Variants in AFDN observed in about 807,000 individuals in gnomAD.
The protein encoded by AFDN is afadin, adherens junction formation factor, also known as afadin.
AFDN carries 68 observed loss-of-function variants against 216.6 expected under a neutral mutation model. The observed-to-expected ratio is 0.31, with a 90% CI of 0.26 to 0.38. The LOEUF (loss-of-function observed/expected upper bound fraction) is 0.38. Among genes scored for constraint, AFDN ranks in the 10% least tolerant of loss-of-function variants. The pLI, the probability that AFDN is intolerant of heterozygous loss-of-function variation, is 1.00. For missense variants in AFDN, 2,136 were observed against 2,342.0 expected, an observed-to-expected ratio of 0.91 and a Z score of 1.82; for synonymous variants, 868 against 853.7, an observed-to-expected ratio of 1.02 and a Z score of -0.29.
At chr6:167,956,479 TC>T (rs888749906) in intron 30 of AFDN, among the ~76,000 whole-genome samples, 2 of 152,152 alleles carry the variant, frequency 1.3e-5, no homozygotes, top group Non-Finnish European at 2.9e-5. Flanking sequence ...TGTGCTCACT[TC>T]CGACCTGAGA....
At chr6:167,931,381 A>ATAG (rs1380594543) in intron 23 of AFDN, among the ~76,000 whole-genome samples, 5 of 152,160 alleles carry the variant, frequency 3.3e-5, no homozygotes, top group African/African-American at 1.2e-4. Flanking sequence ...GAGTGAATAG[A>ATAG]TTATCTAGTA....
At chr6:167,863,654 T>C (rs1783834328) in intron 1 of AFDN, 1 of 391,208 alleles carries the variant, frequency 2.6e-6, no homozygotes, top group Non-Finnish European at 5.2e-6. Context: ...TTCTCTGGAA[T>C]TTTTGTTGGG....
chr6:167,873,874 AC>A (rs1785051362), intron 4 of AFDN, among the ~76,000 whole-genome samples: 1 of 152,172 alleles, frequency 6.6e-6, no homozygotes, highest in Non-Finnish European at 1.5e-5. Flanking sequence ...GAGGATATTA[AC>A]CATTTGTCAG....
intron 12 of AFDN, 144 bp downstream of exon 12, chr6:167,902,530 A>G: frequency 3.3e-6 from 2 of 613,160 alleles, no homozygotes; most frequent in South Asian, 2.0e-5. Context: ...CATAAATAGT[A>G]CAGAGCCCTA....
intron 10 of AFDN, 86 bp from the exon 11 acceptor site, chr6:167,898,119 A>G: frequency 7.0e-7 from 1 of 1,427,168 alleles, no homozygotes. Context: ...ATTTGTCATA[A>G]AAGGGGTACT....
At chr6:167,964,292 A>G in intron 31 of AFDN, 1 of 1,064,112 alleles carries the variant, frequency 9.4e-7, no homozygotes, top group Non-Finnish European at 1.1e-6. Context: ...TTGTCTTGTA[A>G]TTGTATCTGC....
intron 5 of AFDN, among the ~76,000 whole-genome samples, chr6:167,878,334 T>C (rs1421147791): frequency 6.6e-6 from 1 of 152,114 alleles, no homozygotes; most frequent in Non-Finnish European, 1.5e-5. Flanking sequence ...CTATTGTACA[T>C]CTTTTTTTTT....
At chr6:167,966,111 C>T (rs921040576) in intron 32 of AFDN, 66 bp downstream of exon 32, 18 of 1,536,180 alleles carry the variant, frequency 1.2e-5, no homozygotes, top group Middle Eastern at 1.7e-4. Flanking sequence ...TCTTAAACCA[C>T]GGCCACCCCC....
intron 6 of AFDN, among the ~76,000 whole-genome samples, chr6:167,884,971 C>T (rs565825673): frequency 9.4e-4 from 143 of 152,204 alleles, no homozygotes; most frequent in Non-Finnish European, 1.4e-3. Context: ...GCTAGATCTT[C>T]TGGAGAACTT....
intron 6 of AFDN, among the ~76,000 whole-genome samples, chr6:167,880,816 C>T (rs1160153475): frequency 6.6e-6 from 1 of 152,164 alleles, no homozygotes; most frequent in Non-Finnish European, 1.5e-5. Flanking sequence ...TTTTCTGTTC[C>T]ATTGATACAT....
At chr6:167,860,128 T>A (rs1421872833) in intron 1 of AFDN, among the ~76,000 whole-genome samples, 2 of 150,604 alleles carry the variant, frequency 1.3e-5, no homozygotes. Context: ...AAGTAAGCTC[T>A]TCATTTAGGT....
intron 30 of AFDN, among the ~76,000 whole-genome samples, chr6:167,962,000 C>T (rs1011172403): frequency 6.6e-6 from 1 of 152,130 alleles, no homozygotes; most frequent in Non-Finnish European, 1.5e-5. Flanking sequence ...CCCTCTTCTA[C>T]AAGATATTCG....
chr6:167,954,445 C>G (rs751539666), intron 30 of AFDN: 2 of 1,543,108 alleles, frequency 1.3e-6, no homozygotes, highest in Non-Finnish European at 1.7e-6. Flanking sequence ...TTTTCTTTCT[C>G]TGTTACCTGC....
chr6:167,901,607 A>G (rs1788961367), intron 11 of AFDN, among the ~76,000 whole-genome samples: 1 of 152,164 alleles, frequency 6.6e-6, no homozygotes, highest in South Asian at 2.1e-4. Context: ...TACAAAAATA[A>G]TCAGATTGAC....
In AFDN at chr6:167,918,945, T is replaced by C; in HGVS notation, c.2908+12T>C. ...TCTGTGCCAGAGAGGTAAATTAGTC[T>C]AAATGCCTGAGTCTGAGCTACGCCC... On this transcript the variant is annotated intron_variant, in intron 21 of 33. Coordinates refer to ENST00000683244, the MANE Select transcript of AFDN (RefSeq NM_001386888.1). 1.2e-6 allele frequency: 2 copies of C among 1,608,282 alleles called. No individual in the cohort carries two copies.
intron 1 of AFDN, among the ~76,000 whole-genome samples, chr6:167,849,337 A>G (rs956361063): frequency 1.4e-4 from 22 of 152,118 alleles, no homozygotes; most frequent in African/African-American, 5.3e-4. Flanking sequence ...ATTTCCAGCA[A>G]CATGTTTAGG....
At chr6:167,828,346 A>G (rs969332016) in intron 1 of AFDN, among the ~76,000 whole-genome samples, 2 of 152,108 alleles carry the variant, frequency 1.3e-5, no homozygotes, top group Non-Finnish European at 2.9e-5. Flanking sequence ...GAATTTGACT[A>G]TTGCTTCTCT....
chr6:167,866,636 T>C (rs145241264), intron 2 of AFDN, among the ~76,000 whole-genome samples: 1,685 of 152,332 alleles, frequency 0.011, 38 homozygotes, highest in African/African-American at 0.039. Flanking sequence ...CTCTTGGGCC[T>C]TTCCGAGCTC....
At chr6:167,916,858 A>G (rs1038394951) in intron 19 of AFDN, among the ~76,000 whole-genome samples, 2 of 152,196 alleles carry the variant, frequency 1.3e-5, no homozygotes, top group African/African-American at 2.4e-5. Context: ...CTAATTATAC[A>G]TGCACGTCAT....
Sources: allele counts gnomAD v4.1 joint callset (sites outside exome capture counted in the v4.1 genomes callset), GRCh38; gene constraint gnomAD v4.1.1; transcripts MANE v1.5; gene names NCBI Gene and HGNC (gene_info 2026-07-23, HGNC 2026-07-21).